Variants in SNX29 observed in about 807,000 individuals in gnomAD.
The protein encoded by SNX29 is sorting nexin 29.
In SNX29, 78 loss-of-function variants were observed where a neutral mutation model predicts 102.1. The ratio of observed to expected loss-of-function variants is 0.76; its 90% CI spans 0.64 to 0.92. The LOEUF (loss-of-function observed/expected upper bound fraction) is 0.92. Ranked by LOEUF, SNX29 falls within the 40% of genes least tolerant of loss-of-function variation. The pLI, the probability that SNX29 is intolerant of heterozygous loss-of-function variation, is 0.00. For synonymous variants in SNX29, 580 were observed against 414.5 expected (o/e 1.40, Z -4.85); for missense variants, 1,280 against 1,061.7 (o/e 1.21, Z -2.86).
At chr16:12,540,998 A>C (rs781599139) in intron 20 of SNX29, among the ~76,000 whole-genome samples, 2 of 152,186 alleles carry the variant, frequency 1.3e-5, no homozygotes, top group African/African-American at 4.8e-5. Flanking sequence ...TGGTGAGCTC[A>C]CTGCGGGTTT....
intron 1 of SNX29, among the ~76,000 whole-genome samples, chr16:11,998,449 A>T (rs1000665188): frequency 6.6e-6 from 1 of 152,142 alleles, no homozygotes; most frequent in Non-Finnish European, 1.5e-5. Context: ...TAACAGCCCA[A>T]TGTGCAGTGG....
chr16:12,126,484 T>C, intron 11 of SNX29, 149 bp from the exon 12 acceptor site: 1 of 761,820 alleles, frequency 1.3e-6, no homozygotes, highest in South Asian at 1.9e-5. Context: ...CAGCCGAGTC[T>C]CTTAGACTGT....
intron 17 of SNX29, among the ~76,000 whole-genome samples, chr16:12,399,805 G>C (rs1262091796): frequency 6.6e-6 from 1 of 152,106 alleles, no homozygotes; most frequent in Non-Finnish European, 1.5e-5. Flanking sequence ...GAAAATCAAA[G>C]GTGAATTTGC....
intron 11 of SNX29, among the ~76,000 whole-genome samples, chr16:12,091,735 C>G (rs2052553869): frequency 7.2e-6 from 1 of 138,538 alleles, no homozygotes; most frequent in Admixed American, 7.9e-5. Flanking sequence ...CAAGATCATG[C>G]TACTGCACTC....
At chr16:12,329,339 C>T (rs1024001523) in intron 15 of SNX29, among the ~76,000 whole-genome samples, 43 of 150,942 alleles carry the variant, frequency 2.8e-4, no homozygotes, top group African/African-American at 1.0e-3. Flanking sequence ...ATCTCAGCAG[C>T]TTAGCAACTG....
intron 9 of SNX29, among the ~76,000 whole-genome samples, chr16:12,067,537 G>C (rs2051091690): frequency 6.6e-6 from 1 of 152,144 alleles, no homozygotes; most frequent in African/African-American, 2.4e-5. Flanking sequence ...TCCCAGGCTG[G>C]AGTGCAGTGA....
At chr16:12,545,294 CTT>C (rs1334313071) in intron 20 of SNX29, among the ~76,000 whole-genome samples, 1 of 152,150 alleles carries the variant, frequency 6.6e-6, no homozygotes, top group African/African-American at 2.4e-5. Flanking sequence ...ACTTCGCCCT[CTT>C]TACATCTGGA....
rs73513701 is a variant in SNX29, at chr16:11,985,135, T to C, written c.7+8322T>C. Among the ~76,000 whole-genome samples, 471 of 152,210 alleles carry C rather than the reference T, an allele frequency of 3.1e-3. 1 individual carries two copies. The highest frequency in any genetic ancestry group is 0.011 in the African/African-American group (453 of 41,532). ...TGGCCTATAATTAAACTCAGTTGAA[T>C]TGATTTGATTTTTTCCAAAGTGGTT... is the stretch of plus-strand genomic sequence containing the variant. On this transcript the variant is annotated intron_variant, in intron 1 of 20. Transcript: ENST00000566228.
intron 19 of SNX29, among the ~76,000 whole-genome samples, chr16:12,502,539 C>T (rs746582618): frequency 2.0e-5 from 3 of 152,078 alleles, no homozygotes; most frequent in African/African-American, 4.8e-5. Flanking sequence ...CCACGGTGGC[C>T]GGGGCCTCAT....
chr16:11,993,679 C>A (rs149207644), intron 1 of SNX29, among the ~76,000 whole-genome samples: 87 of 152,198 alleles, frequency 5.7e-4, no homozygotes, highest in African/African-American at 2.1e-3. Flanking sequence ...CCCACACTAT[C>A]CTGTTCTTAA....
At chr16:12,342,256 G>A (rs2081631179) in intron 15 of SNX29, among the ~76,000 whole-genome samples, 2 of 152,338 alleles carry the variant, frequency 1.3e-5, no homozygotes, top group Middle Eastern at 3.4e-3. Flanking sequence ...AAAAGTCACA[G>A]ATGTCTGCTG....
rs550352525 is a variant in SNX29 at position 12,571,987 on chromosome 16, C to T, written c.*3358C>T. 6.6e-6 allele frequency: 7 copies of T among 1,062,132 alleles called. No homozygotes were observed. Among genetic ancestry groups the T allele is most frequent in the African/African-American group, 4.9e-5 (3 of 60,882 alleles). 65.8% of individuals were successfully genotyped at this position (1,062,132 alleles called of 1,614,324 possible). A position where few individuals can be genotyped will look rare whatever the true frequency, so the allele number is the denominator to read the frequency against. ...CTATGGTGGTAGCCATCTTCACATC[C>T]AGTCACCAGTTGCATCTAGGGAGCT... is the stretch of plus-strand genomic sequence containing the variant. On this transcript the variant is annotated 3_prime_UTR_variant, in exon 21 of 21. Transcript: ENST00000566228.
At chr16:11,997,364 A>G (rs538605983) in intron 1 of SNX29, among the ~76,000 whole-genome samples, 2 of 152,296 alleles carry the variant, frequency 1.3e-5, no homozygotes, top group East Asian at 3.8e-4. Flanking sequence ...AGAGGCCCTC[A>G]GTGGCTGCCT....
chr16:12,541,035 C>T (rs575696063), intron 20 of SNX29, among the ~76,000 whole-genome samples: 2 of 152,182 alleles, frequency 1.3e-5, no homozygotes, highest in East Asian at 1.9e-4. Flanking sequence ...CTGGTCATCT[C>T]TGTAGTCTGG....
chr16:12,402,655 A>T (rs962314116), intron 17 of SNX29, among the ~76,000 whole-genome samples: 1 of 152,216 alleles, frequency 6.6e-6, no homozygotes, highest in Admixed American at 6.5e-5. Flanking sequence ...CATAACCAAA[A>T]TATCTGTTAA....
intron 18 of SNX29, among the ~76,000 whole-genome samples, chr16:12,464,479 G>T (rs1165088639): frequency 6.6e-6 from 1 of 151,840 alleles, no homozygotes; most frequent in Non-Finnish European, 1.5e-5. Context: ...TTGAGACAGG[G>T]TCTCAGCTCT....
rs890897 is a variant in SNX29, at chr16:12,568,730, C to T, written c.*101C>T. ...CACCTCAGCGTGACAACCACGTCCA[C>T]CTGGTGATCCTGAGAGCACACGATT... On this transcript the variant is annotated 3_prime_UTR_variant, in exon 21 of 21. Transcript: ENST00000566228. The T allele has an allele frequency of 2.0e-6, 3 of 1,487,444 alleles. No individual in the cohort carries two copies. Among genetic ancestry groups the T allele is most frequent in the Non-Finnish European group, 2.7e-6 (3 of 1,115,022 alleles). 92.1% of individuals were successfully genotyped at this position (1,487,444 alleles called of 1,614,324 possible).
chr16:12,242,473 C>G (rs1416305100), intron 14 of SNX29, among the ~76,000 whole-genome samples: 2 of 150,726 alleles, frequency 1.3e-5, no homozygotes, highest in South Asian at 2.1e-4. Context: ...AAGTGGCCAT[C>G]TCTGTCTGTG....
At chr16:12,028,727 A>G (rs1441531891) in intron 4 of SNX29, among the ~76,000 whole-genome samples, 1 of 151,818 alleles carries the variant, frequency 6.6e-6, no homozygotes, top group African/African-American at 2.4e-5. Flanking sequence ...TAATATTTGT[A>G]CATATGTATG....
Sources: gnomAD v4.1 joint callset for allele counts (sites outside exome capture counted in the v4.1 genomes callset) on GRCh38, gnomAD v4.1.1 for gene constraint, MANE v1.5 for transcripts, NCBI Gene and HGNC (gene_info 2026-07-23, HGNC 2026-07-21) for gene names.